The following FRMPD4 variants were observed in gnomAD, a reference collection of about 807,000 sequenced individuals.
FRMPD4 encodes FERM and PDZ domain containing 4.
In FRMPD4, 22 loss-of-function variants were observed where a neutral mutation model predicts 94.1. The observed-to-expected ratio is 0.23, with a 90% CI of 0.17 to 0.33. The LOEUF is 0.33. FRMPD4 is among the 10% of genes least tolerant of loss of function. FRMPD4 has a pLI of 1.00. For synonymous variants in FRMPD4, 631 were observed against 548.6 expected (o/e 1.15, Z -2.10); for missense variants, 1,111 against 1,339.9 (o/e 0.83, Z 2.67).
rs753550075 is a variant in FRMPD4, at chrX:12,718,365, T to G, written c.3539T>G (p.Leu1180Arg). 8.3e-7 allele frequency: 1 copy of G among 1,211,847 alleles called. No individual in the cohort carries two copies. Among genetic ancestry groups the G allele is most frequent in the Non-Finnish European group, 1.1e-6 (1 of 895,439 alleles). ...TCCACCTGCGACCATCCTTCCAAGC[T>G]TCCTGAGGCTGATGAGAGTGTGGCC... Reference protein sequence around the residue: ...DSSTCDHPSKLPEADESVARL... With the variant: ...DSSTCDHPSKRPEADESVARL... Residue 1180 changes from leucine to arginine, a missense_variant, in exon 16 of 17, where the codon CTT becomes CGT. By Grantham distance (102) the Leu-to-Arg change is moderately radical. Transcript: ENST00000675598.
intron 1 of FRMPD4, among the ~76,000 whole-genome samples, chrX:12,172,952 C>T (rs1314324537): frequency 8.9e-6 from 1 of 112,948 alleles, no homozygotes; most frequent in East Asian, 2.8e-4. Context: ...CTCCGCTTTA[C>T]ATTTGCATAA....
At chrX:11,993,865 G>A (rs1203904926) in intron 3 of FRMPD4, among the ~76,000 whole-genome samples, 2 of 112,131 alleles carry the variant, frequency 1.8e-5, no homozygotes, top group Non-Finnish European at 3.8e-5. Context: ...ATTCAGTGAA[G>A]GAAGAACATA....
In FRMPD4 at chrX:12,271,334, G is replaced by A. The variant is rs182396605; in HGVS notation, c.41+132322G>A. Among the ~76,000 whole-genome samples the A allele has an allele frequency of 2.7e-5, 3 of 112,182 alleles. No individual in the cohort carries two copies. The East Asian group carries it at 8.4e-4, about 31-fold the overall frequency. ...GAACAGAATATGACTAACACACAGA[G>A]ATATCTTCCCCACCCCACAGTGGTG... is the stretch of plus-strand genomic sequence containing the variant. On this transcript the variant is annotated intron_variant, in intron 1 of 16. Transcript: ENST00000675598.
intron 14 of FRMPD4, among the ~76,000 whole-genome samples, chrX:12,714,563 T>C (rs1379412328): frequency 8.9e-6 from 1 of 112,370 alleles, no homozygotes; most frequent in Non-Finnish European, 1.9e-5. Flanking sequence ...CATCTGTTTA[T>C]GTAGCATCTA....
Position 12,627,836 on chromosome X carries a change from C to A in FRMPD4, c.422+12955C>A, listed in dbSNP as rs181267715. Among the ~76,000 whole-genome samples the A allele has an allele frequency of 1.8e-3, 205 of 111,996 alleles. No individual in the cohort carries two copies. The Middle Eastern group carries it at 0.028, about 15-fold the overall frequency. ...CAATGATCTCATATGGTTGACACTA[C>A]TGAATGTCTTAACATCTTACTTTAT... On this transcript the variant is annotated intron_variant, in intron 4 of 16. Transcript: ENST00000675598.
At chrX:12,196,053 G>T (rs950121098) in intron 1 of FRMPD4, among the ~76,000 whole-genome samples, 1 of 111,962 alleles carries the variant, frequency 8.9e-6, no homozygotes, top group African/African-American at 3.2e-5. Context: ...TTATCTGTGG[G>T]TATAATTTGT....
At chrX:12,199,564 G>C (rs193013894) in intron 1 of FRMPD4, among the ~76,000 whole-genome samples, 78 of 111,516 alleles carry the variant, frequency 7.0e-4, no homozygotes, top group Admixed American at 4.0e-3. Flanking sequence ...TGTCCAAATA[G>C]TTAATGGGAC....
At chrX:12,039,200 A>T (rs895245838) in intron 3 of FRMPD4, among the ~76,000 whole-genome samples, 5 of 107,122 alleles carry the variant, frequency 4.7e-5, no homozygotes, top group South Asian at 3.9e-4. Context: ...TTTTGCATTT[A>T]ATTTATTTAT....
At chrX:12,269,734 T>C (rs1428690167) in intron 1 of FRMPD4, among the ~76,000 whole-genome samples, 4 of 111,492 alleles carry the variant, frequency 3.6e-5, no homozygotes, top group African/African-American at 1.3e-4. Context: ...GCCAAGGGCA[T>C]CCTCTTCCAC....
At chrX:11,833,776 G>A (rs769630875) in intron 1 of FRMPD4, among the ~76,000 whole-genome samples, 7 of 111,655 alleles carry the variant, frequency 6.3e-5, no homozygotes, top group Non-Finnish European at 9.4e-5. Flanking sequence ...AGTTGGGTTG[G>A]AGCATGTGAT....
At chrX:12,521,137 C>T (rs1369420719) in intron 2 of FRMPD4, among the ~76,000 whole-genome samples, 1 of 112,424 alleles carries the variant, frequency 8.9e-6, no homozygotes. Context: ...TATTCTTTAA[C>T]CACTAAAATA....
chrX:12,386,792 C>G (rs1203117558), intron 1 of FRMPD4, among the ~76,000 whole-genome samples: 1 of 110,614 alleles, frequency 9.0e-6, no homozygotes, highest in Non-Finnish European at 1.9e-5. Flanking sequence ...TATAAAATGG[C>G]AAGAATTTGT....
intron 2 of FRMPD4, among the ~76,000 whole-genome samples, chrX:12,561,152 C>T (rs6639205): frequency 0.24 from 26,553 of 110,985 alleles, 2,676 homozygotes; most frequent in African/African-American, 0.39. Context: ...TTACTTTTCA[C>T]CGACATTGTG....
chrX:12,274,089 C>T (rs186303766), intron 1 of FRMPD4, among the ~76,000 whole-genome samples: 362 of 110,160 alleles, frequency 3.3e-3, no homozygotes, highest in Non-Finnish European at 5.6e-3. Context: ...AATGTGGAGT[C>T]AACACATTCC....
At chrX:12,561,848 G>A (rs772747358) in intron 2 of FRMPD4, among the ~76,000 whole-genome samples, 3 of 112,109 alleles carry the variant, frequency 2.7e-5, no homozygotes, top group Non-Finnish European at 5.6e-5. Flanking sequence ...GCTCATATTC[G>A]GGGATAGCAA....
chrX:12,275,485 G>A (rs193162730), intron 1 of FRMPD4, among the ~76,000 whole-genome samples: 10 of 110,769 alleles, frequency 9.0e-5, no homozygotes, highest in African/African-American at 3.3e-4. Flanking sequence ...TCCTTTTTAG[G>A]AGGCAGTGAG....
In FRMPD4 at chrX:12,433,945, A is replaced by G. The variant is rs150974950; in HGVS notation, c.42-64735A>G. Among the ~76,000 whole-genome samples, 647 of 111,946 alleles carry G rather than the reference A, an allele frequency of 5.8e-3. 1 individual carries two copies. Among genetic ancestry groups the G allele is most frequent in the African/African-American group, 0.02 (621 of 30,796 alleles). Reference sequence around the variant, plus strand: ...AGAAGGGGTAGGGGTCTTCCCGGTCAGTAAAACTTTGTAAGTTTATTTAAA... The same window carrying G: ...AGAAGGGGTAGGGGTCTTCCCGGTCGGTAAAACTTTGTAAGTTTATTTAAA... On this transcript the variant is annotated intron_variant, in intron 1 of 16. Coordinates refer to ENST00000675598, the MANE Select transcript of FRMPD4 (RefSeq NM_001368397.1).
intron 16 of FRMPD4, 48 bp from the exon 17 acceptor site, chrX:12,720,486 A>G (rs199523230): frequency 2.5e-6 from 3 of 1,181,549 alleles, no homozygotes; most frequent in Non-Finnish European, 3.5e-6. Flanking sequence ...ATGACCTCCC[A>G]GGAGATGCTT....
chrX:11,870,826 G>C (rs1037400122), intron 2 of FRMPD4, among the ~76,000 whole-genome samples: 1 of 112,535 alleles, frequency 8.9e-6, no homozygotes, highest in African/African-American at 3.2e-5. Flanking sequence ...TAATGTACTA[G>C]TGTGTGAAAT....
Sources: gnomAD v4.1 joint callset for allele counts (sites outside exome capture counted in the v4.1 genomes callset) on GRCh38, gnomAD v4.1.1 for gene constraint, MANE v1.5 for transcripts, NCBI Gene and HGNC (gene_info 2026-07-23, HGNC 2026-07-21) for gene names.